LCP2: variants seen among roughly 807,000 people sequenced by gnomAD.
LCP2 encodes the protein 76 kDa tyrosine phosphoprotein.
A neutral mutation model predicts 74.5 loss-of-function variants in LCP2; 29 were observed. That is an observed-to-expected ratio of 0.39 (90% confidence interval 0.29 to 0.53). The LOEUF is 0.53. Ranked by LOEUF, LCP2 falls within the 20% of genes least tolerant of loss-of-function variation. The pLI is 0.72. For synonymous variants in LCP2, 228 were observed against 229.5 expected, an observed-to-expected ratio of 0.99 and a Z score of 0.06; for missense variants, 604 against 634.6, an observed-to-expected ratio of 0.95 and a Z score of 0.52.
chr5:170,271,675 C>A (rs1325817640), intron 6 of LCP2, among the ~76,000 whole-genome samples: 4 of 151,924 alleles, frequency 2.6e-5, no homozygotes, highest in Non-Finnish European at 5.9e-5. Context: ...GGTGAATGAG[C>A]ATCAGAATGA....
chr5:170,255,753 A>C (rs1761538387), intron 17 of LCP2, among the ~76,000 whole-genome samples: 1 of 152,194 alleles, frequency 6.6e-6, no homozygotes, highest in Non-Finnish European at 1.5e-5. Context: ...ATCGCATGGA[A>C]TATGTTAGAA....
At chr5:170,289,337 C>G (rs531584021) in intron 2 of LCP2, among the ~76,000 whole-genome samples, 1 of 152,146 alleles carries the variant, frequency 6.6e-6, no homozygotes, top group South Asian at 2.1e-4. Flanking sequence ...GCTTCTTTTC[C>G]GTTCTGGGAG....
intron 17 of LCP2, among the ~76,000 whole-genome samples, chr5:170,255,393 ACACACACTGGCCCGTG>A (rs1761532469): frequency 6.6e-6 from 1 of 152,206 alleles, no homozygotes; most frequent in African/African-American, 2.4e-5. Context: ...TTTCTACTGA[ACACACACTGGCCCGTG>A]CACACACTGC....
chr5:170,258,125 T>C lies in LCP2; in HGVS notation c.1012A>G (p.Ser338Gly). ...PLPQPALLPMSSNTFPSRSTK... is the reference protein window; with the variant it reads ...PLPQPALLPMGSNTFPSRSTK... ...GATCTTGAAGGGAAAGTGTTGGAGC[T>C]CATAGGAAGTAGTGCTGGCTGGGGC... The change falls in exon 16 of 21, where the codon AGC becomes GGC. Residue 338 changes from serine to glycine, a missense_variant. Ser to Gly is a moderately conservative substitution (Grantham distance 56, BLOSUM62 0). Coordinates refer to ENST00000046794, the MANE Select transcript of LCP2 (RefSeq NM_005565.5). The C allele has an allele frequency of 6.2e-7, 1 of 1,613,848 alleles. No homozygotes were observed. Among genetic ancestry groups the C allele is most frequent in the Non-Finnish European group, 8.5e-7 (1 of 1,179,768 alleles).
Position 170,288,341 on chromosome 5 carries a change from C to T in LCP2, c.142-325G>A, listed in dbSNP as rs890541389. On this transcript the variant is annotated intron_variant, in intron 2 of 20. Transcript: ENST00000046794. The stretch of plus-strand genomic sequence containing the variant: ...GCTAAATCTGTGAAACCAAACGACT[C>T]GTTGTGTGGGCTGCATTTGGCCATG... Among the ~76,000 whole-genome samples, 5 of 152,200 alleles carry T rather than the reference C, an allele frequency of 3.3e-5. No homozygotes were observed. In the East Asian group the frequency reaches 7.7e-4, roughly 23 times the overall value.
At chr5:170,262,473 T>C (rs944713893) in intron 13 of LCP2, among the ~76,000 whole-genome samples, 162 bp downstream of exon 13, 2 of 152,228 alleles carry the variant, frequency 1.3e-5, no homozygotes. Context: ...TGATCCTTCA[T>C]AGCCAACCTG....
chr5:170,265,643 C>T (rs1236183519), intron 10 of LCP2, among the ~76,000 whole-genome samples: 1 of 152,148 alleles, frequency 6.6e-6, no homozygotes, highest in Non-Finnish European at 1.5e-5. Context: ...CAAGCCAAAC[C>T]AGCCAGCACA....
intron 17 of LCP2, among the ~76,000 whole-genome samples, chr5:170,253,672 CA>C (rs1761496194): frequency 6.6e-6 from 1 of 152,110 alleles, no homozygotes; most frequent in Non-Finnish European, 1.5e-5. Flanking sequence ...AATGTTTCCA[CA>C]AAAAGAAATG....
Position 170,270,924 on chromosome 5 carries a change from A to C in LCP2, c.325-7T>G. ...TTTCATAATCGTCTTCTTCCTGCCC[A>C]CACAGTGATAGGGACAGTGCAGTTT... On this transcript the variant is annotated splice_region_variant and splice_polypyrimidine_tract_variant and intron_variant, in intron 6 of 20. Coordinates refer to ENST00000046794, the MANE Select transcript of LCP2 (RefSeq NM_005565.5). 1 of 1,610,134 alleles carries C rather than the reference A, an allele frequency of 6.2e-7. No individual in the cohort carries two copies. Among genetic ancestry groups the C allele is most frequent in the South Asian group, 1.1e-5 (1 of 90,000 alleles).
Position 170,275,864 on chromosome 5 carries a change from C to T in LCP2, c.189-4G>A. 6.4e-7 allele frequency: 1 copy of T among 1,564,714 alleles called. No individual in the cohort carries two copies. Among genetic ancestry groups the T allele is most frequent in the Non-Finnish European group, 8.7e-7 (1 of 1,151,984 alleles). On this transcript the variant is annotated splice_polypyrimidine_tract_variant and splice_region_variant and intron_variant, in intron 3 of 20. Coordinates refer to ENST00000046794, the MANE Select transcript of LCP2 (RefSeq NM_005565.5). ...CTGACTTAACTTACTGAGAATCCTG[C>T]AAGATAAAGAGACAGATGAAGAGAT... is the stretch of plus-strand genomic sequence containing the variant.
rs1328733482 is a variant in LCP2, at chr5:170,259,021, T to G, written c.958-143A>C. Reference sequence around the variant, plus strand: ...TTATACATCTTCATAATAAATATACTGTGGAGAATAATAGAAGTTGCTAAG... The same window carrying G: ...TTATACATCTTCATAATAAATATACGGTGGAGAATAATAGAAGTTGCTAAG... On this transcript the variant is annotated intron_variant, in intron 14 of 20. Coordinates refer to ENST00000046794, the MANE Select transcript of LCP2 (RefSeq NM_005565.5). The G allele has an allele frequency of 8.1e-6, 5 of 617,060 alleles. No individual in the cohort carries two copies. In the East Asian group the frequency reaches 1.4e-4, roughly 17 times the overall value. 38.2% of individuals were successfully genotyped at this position (617,060 alleles called of 1,614,324 possible).
At chr5:170,281,184 C>A (rs915415494) in intron 3 of LCP2, among the ~76,000 whole-genome samples, 6 of 152,088 alleles carry the variant, frequency 3.9e-5, no homozygotes, top group Non-Finnish European at 8.8e-5. Context: ...TGAGGACTGA[C>A]AAGAGCTGGG....
At chr5:170,270,111 G>A (rs1449860309) in intron 7 of LCP2, among the ~76,000 whole-genome samples, 2 of 152,136 alleles carry the variant, frequency 1.3e-5, no homozygotes, top group East Asian at 3.8e-4. Context: ...CAGGAGGCAG[G>A]GGCTATTTCT....
intron 3 of LCP2, among the ~76,000 whole-genome samples, chr5:170,277,112 G>T (rs1450056215): frequency 1.4e-5 from 2 of 145,250 alleles, no homozygotes; most frequent in African/African-American, 5.1e-5. Context: ...GTAGCTTGAA[G>T]CCACATAGTA....
Position 170,274,608 on chromosome 5 carries a change from A to G in LCP2, c.287-270T>C, listed in dbSNP as rs959741866. ...ACTTAGGAAGTGCTTTAAGACCTGT[A>G]GATACCTGGGGGCCTATGCCTACAG... is the stretch of plus-strand genomic sequence containing the variant. On this transcript the variant is annotated intron_variant, in intron 5 of 20. Coordinates refer to ENST00000046794, the MANE Select transcript of LCP2 (RefSeq NM_005565.5). 7.2e-5 allele frequency among the ~76,000 whole-genome samples: 11 copies of G among 152,328 alleles called. No homozygotes were observed. The East Asian group carries it at 2.1e-3, about 29-fold the overall frequency.
intron 2 of LCP2, among the ~76,000 whole-genome samples, chr5:170,292,880 A>T (rs1053188931): frequency 1.3e-5 from 2 of 152,192 alleles, no homozygotes; most frequent in African/African-American, 4.8e-5. Context: ...GCTTGATGCA[A>T]AATCAGCTTT....
At chr5:170,293,063 T>C (rs1221734394) in intron 2 of LCP2, among the ~76,000 whole-genome samples, 3 of 152,220 alleles carry the variant, frequency 2.0e-5, no homozygotes, top group African/African-American at 4.8e-5. Context: ...GGCATTTAAA[T>C]AGATTTTCCA....
intron 14 of LCP2, 54 bp downstream of exon 14, chr5:170,261,053 C>T (rs1252134565): frequency 1.5e-6 from 2 of 1,367,392 alleles, no homozygotes; most frequent in Non-Finnish European, 2.1e-6. Flanking sequence ...CTCCTAAGAG[C>T]CTATGCTTCT....
chr5:170,250,647 G>A (rs758987994), intron 20 of LCP2, 83 bp downstream of exon 20: 1 of 1,073,488 alleles, frequency 9.3e-7, no homozygotes, highest in Non-Finnish European at 1.4e-6. Flanking sequence ...ATACAGCACG[G>A]ACTCTCAAAG....
Sources: gnomAD v4.1 joint callset for allele counts (sites outside exome capture counted in the v4.1 genomes callset) on GRCh38, gnomAD v4.1.1 for gene constraint, MANE v1.5 for transcripts, NCBI Gene and HGNC (gene_info 2026-07-23, HGNC 2026-07-21) for gene names.